ALPI: variants seen among roughly 807,000 people sequenced by gnomAD.
ALPI encodes the protein alkaline phosphatase, intestinal.
ALPI carries 50 observed loss-of-function variants against 51.5 expected under a neutral mutation model. The ratio of observed to expected loss-of-function variants is 0.97; its 90% CI spans 0.77 to 1.23. ALPI has a LOEUF of 1.23. ALPI is among the 50% of genes most tolerant of loss of function. The pLI is 0.00. For missense variants in ALPI, 692 were observed against 722.4 expected, an observed-to-expected ratio of 0.96 and a Z score of 0.48; for synonymous variants, 322 against 308.2, an observed-to-expected ratio of 1.04 and a Z score of -0.47.
chr2:232,458,512 C>T, intron 9 of ALPI, 104 bp downstream of exon 9: 1 of 1,526,256 alleles, frequency 6.6e-7, no homozygotes, highest in Non-Finnish European at 8.9e-7. Context: ...GGCACCAGCC[C>T]TATAGGGATC....
Position 232,458,302 on chromosome 2 carries a change from GGC to G in ALPI, c.1079_1080del (p.Ala360GlyfsTer16). 1.2e-6 allele frequency: 2 copies of G among 1,614,178 alleles called. No individual in the cohort carries two copies. Among genetic ancestry groups the G allele is most frequent in the East Asian group, 2.2e-5 (1 of 44,884 alleles). On this transcript the variant is annotated frameshift_variant, in exon 9 of 11. Transcript: ENST00000295463. LOFTEE classifies it high-confidence loss of function. ...TCATGTTCGACGACGCCATTGAGAG[GGC>G]GGGCCAGCTCACCAGCGAGGAGGAC... ...AVMFDDAIERAGQLTSEEDTL... is the reference protein window; with the variant it reads ...AVMFDDAIERXGQLTSEEDTL...
Position 232,456,680 on chromosome 2 carries a change from C to G in ALPI, c.285C>G (p.Tyr95Ter), listed in dbSNP as rs201149811. ...CCCTGGCCATGGACCGCTTCCCATA[C>G]CTGGCTCTGTCCAAGGTAAGGGCTG... is the stretch of plus-strand genomic sequence containing the variant. ...ETPLAMDRFP[Y>*]LALSKTYNVD... Residue 95 changes from tyrosine to a stop codon, truncating the protein, a stop_gained, in exon 3 of 11, where the codon TAC becomes TAG. Transcript: ENST00000295463. LOFTEE classifies it high-confidence loss of function. The surrounding 1 kb of genome is among the most constrained non-coding windows in gnomAD (Gnocchi z 4.2). The G allele has an allele frequency of 1.9e-6, 3 of 1,605,628 alleles. No individual in the cohort carries two copies. Among genetic ancestry groups the G allele is most frequent in the East Asian group, 4.5e-5 (2 of 44,576 alleles).
rs765035413 is a variant in ALPI, at chr2:232,457,031, G to T, written c.433G>T (p.Gly145Cys). Residue 145 changes from glycine (G) to cysteine (C), a missense_variant, in exon 4 of 11, where the codon GGC (glycine) becomes TGC (cysteine). Gly to Cys is a radical substitution (Grantham distance 159). Coordinates refer to ENST00000295463, the MANE Select transcript of ALPI (RefSeq NM_001631.5). This position sits in a 1 kb window ranked among gnomAD's most constrained non-coding sequence, Gnocchi z 4.7. ...CTTTAACCAGTGCAACACGACACGCGGCAATGAGGTCATCTCCGTGATGAA... is the reference window on the plus strand; with the variant it reads ...CTTTAACCAGTGCAACACGACACGCTGCAATGAGGTCATCTCCGTGATGAA... ...ARFNQCNTTR[G>C]NEVISVMNRA... is the part of the protein sequence containing the mutation. 4 of 1,613,476 alleles carry T rather than the reference G, an allele frequency of 2.5e-6. No homozygotes were observed. In the African/African-American group the frequency reaches 5.3e-5, roughly 22 times the overall value.
In ALPI at chr2:232,460,333, G is replaced by C. The variant is rs1690288686; in HGVS notation, c.*1187G>C. ...GGGACTGTGAAGTCTGGTTAGAGGGGTGTGGTTGGAGGTCTTTGAGGAGGG... is the reference window on the plus strand; with the variant it reads ...GGGACTGTGAAGTCTGGTTAGAGGGCTGTGGTTGGAGGTCTTTGAGGAGGG... On this transcript the variant is annotated 3_prime_UTR_variant, in exon 11 of 11. Transcript: ENST00000295463. Among the ~76,000 whole-genome samples, 1 of 151,970 alleles carries C rather than the reference G, an allele frequency of 6.6e-6. No homozygotes were observed. Among genetic ancestry groups the C allele is most frequent in the Non-Finnish European group, 1.5e-5 (1 of 68,008 alleles).
In ALPI at chr2:232,457,972, T is replaced by C; in HGVS notation, c.857-26T>C. 5.6e-6 allele frequency: 9 copies of C among 1,612,828 alleles called. No individual in the cohort carries two copies. Among genetic ancestry groups the C allele is most frequent in the Non-Finnish European group, 5.9e-6 (7 of 1,179,328 alleles). On this transcript the variant is annotated intron_variant, in intron 7 of 10. Transcript: ENST00000295463. This position sits in a 1 kb window ranked among gnomAD's most constrained non-coding sequence, Gnocchi z 4.7. ...CACCCTCCCGCTCACAGCCTGCCAATCACCACCAAGCTCCTTGTCCCACAG... is the reference window on the plus strand; with the variant it reads ...CACCCTCCCGCTCACAGCCTGCCAACCACCACCAAGCTCCTTGTCCCACAG...
chr2:232,458,790 C>G (rs756577443), intron 10 of ALPI, 42 bp downstream of exon 10: 2 of 1,612,024 alleles, frequency 1.2e-6, no homozygotes, highest in African/African-American at 2.7e-5. Context: ...ACCAGGGTGC[C>G]AGGGATGGGG....
chr2:232,457,609 C>T lies in ALPI; in HGVS notation c.693C>T (p.Thr231=). ...GGRKYMFPMG[T]PDPEYPADAS... is the part of the protein sequence containing the mutation. ...GCAAGTACATGTTTCCCATGGGGACCCCAGACCCTGAGTACCCAGCTGATG... is the reference window on the plus strand; with the variant it reads ...GCAAGTACATGTTTCCCATGGGGACTCCAGACCCTGAGTACCCAGCTGATG... Residue 231 remains threonine, a synonymous_variant, in exon 6 of 11, where the codon ACC becomes ACT. Transcript: ENST00000295463. The surrounding 1 kb of genome is among the most constrained non-coding windows in gnomAD (Gnocchi z 4.7). 6.2e-7 allele frequency: 1 copy of T among 1,614,006 alleles called. No individual in the cohort carries two copies. Among genetic ancestry groups the T allele is most frequent in the East Asian group, 2.2e-5 (1 of 44,866 alleles).
rs1690200667 is a variant in ALPI at position 232,456,811 on chromosome 2, G to C, written c.301-88G>C. ...GGGCCTAAGTTAGGAGCTGGGAGCAGTTAGGATCCCAGAGGACCAGAACCA... is the reference window on the plus strand; with the variant it reads ...GGGCCTAAGTTAGGAGCTGGGAGCACTTAGGATCCCAGAGGACCAGAACCA... On this transcript the variant is annotated intron_variant, in intron 3 of 10. Transcript: ENST00000295463. This position sits in a 1 kb window ranked among gnomAD's most constrained non-coding sequence, Gnocchi z 4.2. 6.4e-7 allele frequency: 1 copy of C among 1,571,318 alleles called. No homozygotes were observed.
chr2:232,458,566 T>C, intron 9 of ALPI, 66 bp from the exon 10 acceptor site: 1 of 1,562,262 alleles, frequency 6.4e-7, no homozygotes, highest in Non-Finnish European at 8.8e-7. Context: ...TGGCGGTGCC[T>C]GGCACATAGG....
In ALPI at chr2:232,458,451, A is replaced by T. The variant is rs191012398; in HGVS notation, c.1183+43A>T. ...GGCAGGTGCTGCTGCATCAATTATG[A>T]GGGTGAAGTTTGAGCTTCAGTTTCC... On this transcript the variant is annotated intron_variant, in intron 9 of 10. Transcript: ENST00000295463. The T allele has an allele frequency of 1.7e-3, 2,623 of 1,585,792 alleles. 8 individuals are homozygous for T. Among genetic ancestry groups the T allele is most frequent in the Non-Finnish European group, 1.6e-3 (1,812 of 1,163,750 alleles).
In ALPI at chr2:232,458,936, T is replaced by C; in HGVS notation, c.1377T>C (p.Phe459=). 6.2e-7 allele frequency: 1 copy of C among 1,607,032 alleles called. No individual in the cohort carries two copies. Among genetic ancestry groups the C allele is most frequent in the South Asian group, 1.1e-5 (1 of 90,276 alleles). ...ACGGAGGCGAAGACGTGGCGGTGTTTGCGCGCGGCCCGCAGGCGCACCTGG... is the reference window on the plus strand; with the variant it reads ...ACGGAGGCGAAGACGTGGCGGTGTTCGCGCGCGGCCCGCAGGCGCACCTGG... ...ETHGGEDVAV[F]ARGPQAHLVH... The change falls in exon 11 of 11, where the codon TTT becomes TTC. Residue 459 remains phenylalanine (F), a synonymous_variant. Transcript: ENST00000295463.
intron 10 of ALPI, 34 bp downstream of exon 10, chr2:232,458,782 C>A (rs1490371093): frequency 3.1e-6 from 5 of 1,612,342 alleles, no homozygotes; most frequent in Non-Finnish European, 3.4e-6. Context: ...GCAGGGGGAC[C>A]AGGGTGCCAG....
Position 232,458,880 on chromosome 2 carries a change from C to CA in ALPI, c.1322dup (p.Ala442GlyfsTer172), listed in dbSNP as rs765357281. 1 of 1,610,448 alleles carries CA rather than the reference C, an allele frequency of 6.2e-7. No individual in the cohort carries two copies. The highest frequency in any genetic ancestry group is 1.7e-5 in the Admixed American group (1 of 59,864). ...ACCAGGGAGCCCCGATTACCAGCAGCAGGCGGCGGTGCCCCTGTCGTCCGA... is the reference window on the plus strand; with the variant it reads ...ACCAGGGAGCCCCGATTACCAGCAGCAAGGCGGCGGTGCCCCTGTCGTCCGA... On this transcript the variant is annotated frameshift_variant, in exon 11 of 11. Coordinates refer to ENST00000295463, the MANE Select transcript of ALPI (RefSeq NM_001631.5). LOFTEE classifies it low-confidence loss of function (END_TRUNC).
In ALPI at chr2:232,457,978, C is replaced by T; in HGVS notation, c.857-20C>T. 6.2e-7 allele frequency: 1 copy of T among 1,613,298 alleles called. No individual in the cohort carries two copies. Among genetic ancestry groups the T allele is most frequent in the Non-Finnish European group, 8.5e-7 (1 of 1,179,450 alleles). ...CCCGCTCACAGCCTGCCAATCACCA[C>T]CAAGCTCCTTGTCCCACAGGCCTCT... On this transcript the variant is annotated intron_variant, in intron 7 of 10. Coordinates refer to ENST00000295463, the MANE Select transcript of ALPI (RefSeq NM_001631.5). This position sits in a 1 kb window ranked among gnomAD's most constrained non-coding sequence, Gnocchi z 4.7.
rs201464809 is a variant in ALPI, at chr2:232,458,348, G to A, written c.1123G>A (p.Ala375Thr). Residue 375 changes from alanine to threonine, a missense_variant, in exon 9 of 11, where the codon GCT becomes ACT. Coordinates refer to ENST00000295463, the MANE Select transcript of ALPI (RefSeq NM_001631.5). ...SEEDTLTLVT[A>T]DHSHVFSFGG... ...GGAGGACACGCTGACCCTCGTCACC[G>A]CTGACCACTCCCATGTCTTCTCCTT... The A allele has an allele frequency of 8.1e-6, 13 of 1,613,950 alleles. No homozygotes were observed. The highest frequency in any genetic ancestry group is 3.3e-5 in the Admixed American group (2 of 60,004).
chr2:232,457,807 G>C lies in ALPI; in HGVS notation c.796G>C (p.Val266Leu). ...WLAKHQGAWYVWNRTELMQAS... is the reference protein window; with the variant it reads ...WLAKHQGAWYLWNRTELMQAS... ...TCTGTCCCTGCAGGGTGCCTGGTATGTGTGGAACCGCACTGAGCTCATGCA... is the reference window on the plus strand; with the variant it reads ...TCTGTCCCTGCAGGGTGCCTGGTATCTGTGGAACCGCACTGAGCTCATGCA... Residue 266 changes from valine to leucine, a missense_variant, in exon 7 of 11, where the codon GTG becomes CTG. Physicochemically the swap from Val to Leu is conservative, Grantham distance 32. Transcript: ENST00000295463. This position sits in a 1 kb window ranked among gnomAD's most constrained non-coding sequence, Gnocchi z 4.7. The C allele has an allele frequency of 6.2e-7, 1 of 1,614,058 alleles. No individual in the cohort carries two copies. Among genetic ancestry groups the C allele is most frequent in the Non-Finnish European group, 8.5e-7 (1 of 1,179,970 alleles).
Position 232,457,357 on chromosome 2 carries a change from G to C in ALPI, c.648+35G>C. 1 of 1,577,028 alleles carries C rather than the reference G, an allele frequency of 6.3e-7. No individual in the cohort carries two copies. Among genetic ancestry groups the C allele is most frequent in the Non-Finnish European group, 8.6e-7 (1 of 1,161,158 alleles). On this transcript the variant is annotated intron_variant, in intron 5 of 10. Coordinates refer to ENST00000295463, the MANE Select transcript of ALPI (RefSeq NM_001631.5). The surrounding 1 kb of genome is among the most constrained non-coding windows in gnomAD (Gnocchi z 4.7). ...CCGGGCCAAGGGCTGGGGCTGGGCAGAGGGGAAGGTGGCACAGGCTCAGAT... is the reference window on the plus strand; with the variant it reads ...CCGGGCCAAGGGCTGGGGCTGGGCACAGGGGAAGGTGGCACAGGCTCAGAT...
Position 232,458,701 on chromosome 2 carries a change from A to G in ALPI, c.1253A>G (p.Tyr418Cys). ...TSILYGNGPG[Y>C]VFNSGVRPDV... ...ATCCTGTACGGCAATGGCCCGGGCT[A>G]CGTGTTCAACTCAGGCGTGCGACCA... is the stretch of plus-strand genomic sequence containing the variant. The change falls in exon 10 of 11, where the codon TAC (tyrosine) becomes TGC (cysteine). Residue 418 changes from tyrosine (Y) to cysteine (C), a missense_variant. Coordinates refer to ENST00000295463, the MANE Select transcript of ALPI (RefSeq NM_001631.5). 1.9e-6 allele frequency: 3 copies of G among 1,613,994 alleles called. No homozygotes were observed. The highest frequency in any genetic ancestry group is 2.5e-6 in the Non-Finnish European group (3 of 1,180,018).
In ALPI at chr2:232,456,345, C is replaced by A; in HGVS notation, c.68-4C>A. ...GACCTGATCTCTACTCTCCCCCTGGCCAGCTGAGGAGGAGAACCCGGCCTT... is the reference window on the plus strand; with the variant it reads ...GACCTGATCTCTACTCTCCCCCTGGACAGCTGAGGAGGAGAACCCGGCCTT... On this transcript the variant is annotated splice_region_variant and splice_polypyrimidine_tract_variant and intron_variant, in intron 1 of 10. Transcript: ENST00000295463. This position sits in a 1 kb window ranked among gnomAD's most constrained non-coding sequence, Gnocchi z 4.2. The A allele has an allele frequency of 6.2e-7, 1 of 1,614,110 alleles. No individual in the cohort carries two copies. The highest frequency in any genetic ancestry group is 2.2e-5 in the East Asian group (1 of 44,864).
Sources: allele counts gnomAD v4.1 joint callset (sites outside exome capture counted in the v4.1 genomes callset), GRCh38; gene constraint gnomAD v4.1.1; non-coding constraint Gnocchi (gnomAD v3.1); transcripts MANE v1.5; gene names NCBI Gene and HGNC (gene_info 2026-07-23, HGNC 2026-07-21).